The following TMEFF2 variants were observed in gnomAD, a reference collection of about 807,000 sequenced individuals.
TMEFF2 encodes tomoregulin-2.
In TMEFF2, 28 loss-of-function variants were observed where a neutral mutation model predicts 53.8. That is an observed-to-expected ratio of 0.52 (90% confidence interval 0.39 to 0.71). The LOEUF (loss-of-function observed/expected upper bound fraction) is 0.71. TMEFF2 is among the 30% of genes least tolerant of loss of function. TMEFF2 has a pLI of 0.00. For synonymous variants in TMEFF2, 162 were observed against 166.3 expected (o/e 0.97, Z 0.20); for missense variants, 353 against 455.2 (o/e 0.78, Z 2.04).
At chr2:192,169,466 G>A (rs138308608) in intron 4 of TMEFF2, among the ~76,000 whole-genome samples, 199 of 152,244 alleles carry the variant, frequency 1.3e-3, no homozygotes, top group African/African-American at 4.7e-3. Flanking sequence ...AACTGAACCA[G>A]TTCTGGTGGT....
chr2:192,093,730 C>T (rs201197065), intron 4 of TMEFF2, among the ~76,000 whole-genome samples: 1 of 151,918 alleles, frequency 6.6e-6, no homozygotes, highest in Non-Finnish European at 1.5e-5. Flanking sequence ...TCTAGATCCA[C>T]TGCTGTGATT....
At chr2:192,086,503 T>C (rs561743019) in intron 4 of TMEFF2, among the ~76,000 whole-genome samples, 2 of 152,296 alleles carry the variant, frequency 1.3e-5, no homozygotes, top group Admixed American at 1.3e-4. Flanking sequence ...TCTCTTTTGT[T>C]GTGCATGCTT....
chr2:192,017,933 G>A (rs571459031), intron 5 of TMEFF2, among the ~76,000 whole-genome samples: 1 of 152,268 alleles, frequency 6.6e-6, no homozygotes, highest in Admixed American at 6.5e-5. Flanking sequence ...AGGCAAGTTA[G>A]AAGCCTATGA....
chr2:192,065,147 C>T (rs1688137302), intron 4 of TMEFF2, among the ~76,000 whole-genome samples: 1 of 151,728 alleles, frequency 6.6e-6, no homozygotes, highest in Non-Finnish European at 1.5e-5. Context: ...TCTTTGTCAG[C>T]TTAGATTTGA....
chr2:192,058,764 CAG>C (rs931976761), intron 4 of TMEFF2, among the ~76,000 whole-genome samples: 2 of 152,094 alleles, frequency 1.3e-5, no homozygotes, highest in Non-Finnish European at 2.9e-5. Flanking sequence ...CATTTAAAAA[CAG>C]ATGTTTAAAT....
At chr2:192,139,668 T>C (rs1397001079) in intron 4 of TMEFF2, among the ~76,000 whole-genome samples, 1 of 152,186 alleles carries the variant, frequency 6.6e-6, no homozygotes, top group Non-Finnish European at 1.5e-5. Context: ...ATAAAAAGTT[T>C]TGCCAAACTA....
At position 192,098,982 on chromosome 2, in the gene TMEFF2, G is replaced by C. The variant is rs1337810859; in HGVS notation, c.440-41207C>G. ...TTTAAAACAGAGGTATTATATTTTT[G>C]AAACTCTCAACAATGCAAACCTTCC... On this transcript the variant is annotated intron_variant, in intron 4 of 9. Coordinates refer to ENST00000272771, the MANE Select transcript of TMEFF2 (RefSeq NM_016192.4). Among the ~76,000 whole-genome samples, 3 of 151,970 alleles carry C rather than the reference G, an allele frequency of 2.0e-5. No individual in the cohort carries two copies. The East Asian group carries it at 5.8e-4, about 29-fold the overall frequency.
chr2:192,175,274 T>C (rs376076837), intron 4 of TMEFF2, among the ~76,000 whole-genome samples: 5 of 151,684 alleles, frequency 3.3e-5, no homozygotes, highest in South Asian at 4.1e-4. Flanking sequence ...GCTTAAAATA[T>C]TTTTGCCAGT....
intron 9 of TMEFF2, 96 bp downstream of exon 9, chr2:191,953,583 G>T: frequency 1.4e-5 from 19 of 1,385,900 alleles, no homozygotes; most frequent in Non-Finnish European, 1.8e-5. Context: ...GATGGCTGCA[G>T]AGTCCATGAA....
Position 192,194,628 on chromosome 2 carries a change from AGGC to A in TMEFF2, c.-107_-105del, listed in dbSNP as rs376629076. On this transcript the variant is annotated 5_prime_UTR_variant, in exon 1 of 10. Transcript: ENST00000272771. This position sits in a 1 kb window ranked among gnomAD's most constrained non-coding sequence, Gnocchi z 4.2. ...AGCATCCCGCGGACGGCGGCAGCAGAGGCGGCGGCGGTGGCAGTGGCACCCGGC... is the reference window on the plus strand; with the variant it reads ...AGCATCCCGCGGACGGCGGCAGCAGAGGCGGCGGTGGCAGTGGCACCCGGC... The A allele has an allele frequency of 1.4e-3, 1,948 of 1,401,270 alleles. 26 individuals carry two copies. The African/African-American group carries it at 0.025, about 18-fold the overall frequency. 86.8% of individuals were successfully genotyped at this position (1,401,270 alleles called of 1,614,324 possible). A position where few individuals can be genotyped will look rare whatever the true frequency, so the allele number is the denominator to read the frequency against.
chr2:192,018,172 G>T (rs1179739127), intron 5 of TMEFF2, among the ~76,000 whole-genome samples: 1 of 152,086 alleles, frequency 6.6e-6, no homozygotes, highest in Admixed American at 6.6e-5. Flanking sequence ...CTTGTTAGAG[G>T]CAGTTTTTGT....
intron 6 of TMEFF2, 67 bp downstream of exon 6, chr2:191,998,993 C>T: frequency 6.6e-7 from 1 of 1,511,444 alleles, no homozygotes; most frequent in Non-Finnish European, 9.0e-7. Flanking sequence ...AAGGAGTTTT[C>T]TTCACTTTTC....
At position 192,019,634 on chromosome 2, in the gene TMEFF2, GTCTTT is replaced by G. The variant is rs530131183; in HGVS notation, c.537-20431_537-20427del. On this transcript the variant is annotated intron_variant, in intron 5 of 9. Coordinates refer to ENST00000272771, the MANE Select transcript of TMEFF2 (RefSeq NM_016192.4). Reference sequence around the variant, plus strand: ...ACAAAATATTACATTTTTAAATGTTGTCTTTTTTTTTTCTTTTTCAGGGTCCTTGT... The same window carrying G: ...ACAAAATATTACATTTTTAAATGTTGTTTTTTTCTTTTTCAGGGTCCTTGT... Among the ~76,000 whole-genome samples the G allele has an allele frequency of 1.7e-3, 252 of 151,558 alleles. 1 individual carries two copies. The highest frequency in any genetic ancestry group is 5.7e-3 in the African/African-American group (237 of 41,404).
At chr2:192,016,758 T>A (rs1201242518) in intron 5 of TMEFF2, among the ~76,000 whole-genome samples, 1 of 152,176 alleles carries the variant, frequency 6.6e-6, no homozygotes, top group Non-Finnish European at 1.5e-5. Flanking sequence ...ATCTTCCAAT[T>A]GAGTAATAAA....
At chr2:192,085,707 A>C (rs1559119831) in intron 4 of TMEFF2, among the ~76,000 whole-genome samples, 1 of 127,730 alleles carries the variant, frequency 7.8e-6, no homozygotes, top group East Asian at 2.0e-4. Context: ...TCATAGAAGC[A>C]GGAAAAAAAA....
At chr2:191,985,467 AAACTAGTGAAGATAAAAAACAAAAC>A (rs147392390) in intron 7 of TMEFF2, among the ~76,000 whole-genome samples, 4,686 of 152,250 alleles carry the variant, frequency 0.031, 257 homozygotes, top group African/African-American at 0.11. Flanking sequence ...TTTTAGCATA[AAACTAGTGAAGATAAAAAACAAAAC>A]AACTGTTCCA....
chr2:192,178,296 C>CT (rs1691099686), intron 4 of TMEFF2: 1 of 150,290 alleles, frequency 6.7e-6, no homozygotes, highest in African/African-American at 2.4e-5. Context: ...AAGGAACTGC[C>CT]TTTTTTCCTG....
chr2:192,011,956 C>T (rs1369174792), intron 5 of TMEFF2, among the ~76,000 whole-genome samples: 2 of 151,990 alleles, frequency 1.3e-5, no homozygotes, highest in African/African-American at 2.4e-5. Flanking sequence ...GCGCAGTCTC[C>T]GCTTACTGCA....
chr2:192,058,305 T>C (rs932591668), intron 4 of TMEFF2, among the ~76,000 whole-genome samples: 4 of 152,194 alleles, frequency 2.6e-5, no homozygotes, highest in Non-Finnish European at 5.9e-5. Flanking sequence ...AGTATGTTGA[T>C]TATAAGTTTT....
Sources: allele counts gnomAD v4.1 joint callset (sites outside exome capture counted in the v4.1 genomes callset), GRCh38; gene constraint gnomAD v4.1.1; non-coding constraint Gnocchi (gnomAD v3.1); transcripts MANE v1.5; gene names NCBI Gene and HGNC (gene_info 2026-07-23, HGNC 2026-07-21).